TNPO2: variants seen among roughly 807,000 people sequenced by gnomAD.
The protein encoded by TNPO2 is transportin 2.
TNPO2 carries 16 observed loss-of-function variants against 111.1 expected under a neutral mutation model. The observed-to-expected ratio is 0.14, with a 90% CI of 0.10 to 0.22. The LOEUF (loss-of-function observed/expected upper bound fraction) is 0.22. Ranked by LOEUF, TNPO2 falls within the 10% of genes least tolerant of loss-of-function variation. The pLI is 1.00. For synonymous variants in TNPO2, 481 were observed against 475.8 expected (o/e 1.01, Z -0.14); for missense variants, 530 against 1,173.7 (o/e 0.45, Z 8.01).
At chr19:12,720,249 C>A (rs895889465) in intron 3 of TNPO2, among the ~76,000 whole-genome samples, 11 of 152,034 alleles carry the variant, frequency 7.2e-5, no homozygotes, top group Non-Finnish European at 1.5e-5. Flanking sequence ...AAACTCCTGA[C>A]CTCAGGTGAT....
chr19:12,703,571 GTAA>G, intron 19 of TNPO2, 45 bp from the exon 20 acceptor site: 1 of 1,599,570 alleles, frequency 6.3e-7, no homozygotes, highest in East Asian at 2.2e-5. Context: ...GCCAGCCAGG[GTAA>G]GCTGCAGGAC....
chr19:12,713,570 G>A (rs2145569169), intron 10 of TNPO2, among the ~76,000 whole-genome samples: 1 of 152,192 alleles, frequency 6.6e-6, no homozygotes, highest in Non-Finnish European at 1.5e-5. Flanking sequence ...TAGCACTTTG[G>A]GAGGCCAAAG....
At position 12,702,381 on chromosome 19, in the gene TNPO2, C is replaced by A. The variant is rs2025368564; in HGVS notation, c.2306-204G>T. ...TCTTTCTTTCTTTCCTTTCCCTTTC[C>A]TTTTTGTTTTTTTTTGTTTTGTTTT... is the stretch of plus-strand genomic sequence containing the variant. On this transcript the variant is annotated intron_variant, in intron 21 of 25. Coordinates refer to ENST00000425528, the MANE Select transcript of TNPO2 (RefSeq NM_001382241.1). The surrounding 1 kb of genome is among the most constrained non-coding windows in gnomAD (Gnocchi z 5.5). The A allele has an allele frequency of 1.4e-6, 1 of 691,168 alleles. No individual in the cohort carries two copies. The highest frequency in any genetic ancestry group is 1.8e-5 in the African/African-American group (1 of 56,596). 42.8% of individuals were successfully genotyped at this position (691,168 alleles called of 1,614,324 possible). A position where few individuals can be genotyped will look rare whatever the true frequency, so the allele number is the denominator to read the frequency against.
intron 10 of TNPO2, among the ~76,000 whole-genome samples, chr19:12,713,701 G>A (rs1292207660): frequency 6.6e-6 from 1 of 151,852 alleles, no homozygotes; most frequent in African/African-American, 2.4e-5. Context: ...GTGAGACTCC[G>A]TCTCAAAAAC....
chr19:12,718,055 A>G (rs1429517106), intron 5 of TNPO2, among the ~76,000 whole-genome samples: 4 of 151,036 alleles, frequency 2.6e-5, no homozygotes, highest in Non-Finnish European at 4.4e-5. Flanking sequence ...CCCAGGCTGG[A>G]GTGTAGTGCC....
rs1370982364 is a variant in TNPO2 at position 12,703,546 on chromosome 19, G to T, written c.2111-20C>A. 12 of 1,612,886 alleles carry T rather than the reference G, an allele frequency of 7.4e-6. No homozygotes were observed. The highest frequency in any genetic ancestry group is 1.0e-5 in the Non-Finnish European group (12 of 1,178,950). On this transcript the variant is annotated intron_variant, in intron 19 of 25. Coordinates refer to ENST00000425528, the MANE Select transcript of TNPO2 (RefSeq NM_001382241.1). ...ACTCGGCTGGTGGGGAGAAACAGGG[G>T]TGCTGAGAAGGAGGGCCAGCCAGGG...
intron 20 of TNPO2, 68 bp downstream of exon 20, chr19:12,703,360 T>A (rs926887649): frequency 4.0e-5 from 58 of 1,461,150 alleles, no homozygotes; most frequent in Non-Finnish European, 5.4e-5. Context: ...CAGTCAGAGC[T>A]AGGCTCCCGC....
intron 18 of TNPO2, 133 bp from the exon 19 acceptor site, chr19:12,703,934 C>G (rs1409512298): frequency 1.4e-6 from 1 of 737,028 alleles, no homozygotes; most frequent in Non-Finnish European, 2.2e-6. Flanking sequence ...GTTCCTTAAC[C>G]TCCCTAGCCT....
rs2025579896 is a variant in TNPO2 at position 12,705,332 on chromosome 19, G to A, written c.1930C>T (p.Leu644=). 1.3e-6 allele frequency: 2 copies of A among 1,592,628 alleles called. No individual in the cohort carries two copies. Among genetic ancestry groups the A allele is most frequent in the Middle Eastern group, 1.7e-4 (1 of 6,040 alleles). Residue 644 remains leucine, a synonymous_variant, in exon 18 of 26, where the codon CTG becomes TTG. Transcript: ENST00000425528. This position sits in a 1 kb window ranked among gnomAD's most constrained non-coding sequence, Gnocchi z 7.2. ...DKDFMIVALD[L]LSGLAEGLGG... is the part of the protein sequence containing the mutation. The stretch of plus-strand genomic sequence containing the variant: ...AGGCCCTCGGCCAGGCCGCTGAGCA[G>A]ATCCAGTGCTACGATCATGAAGTCC...
chr19:12,711,697 G>A, intron 10 of TNPO2, 84 bp from the exon 11 acceptor site: 1 of 1,202,120 alleles, frequency 8.3e-7, no homozygotes, highest in Non-Finnish European at 1.2e-6. Context: ...GAGGCAAACA[G>A]GTGCCAACAG....
Position 12,706,526 on chromosome 19 carries a change from GC to G in TNPO2, c.1496+43del. On this transcript the variant is annotated intron_variant, in intron 14 of 25. Coordinates refer to ENST00000425528, the MANE Select transcript of TNPO2 (RefSeq NM_001382241.1). The surrounding 1 kb of genome is among the most constrained non-coding windows in gnomAD (Gnocchi z 7.0). ...AGGTGTCATCACTTCCCAGAGGGTGGCCGGGGGAGAGTGGGGGCTGTGGGAT... is the reference window on the plus strand; with the variant it reads ...AGGTGTCATCACTTCCCAGAGGGTGGCGGGGGAGAGTGGGGGCTGTGGGAT... 6.2e-7 allele frequency: 1 copy of G among 1,602,210 alleles called. No individual in the cohort carries two copies. The highest frequency in any genetic ancestry group is 8.5e-7 in the Non-Finnish European group (1 of 1,169,708).
intron 12 of TNPO2, 176 bp downstream of exon 12, chr19:12,711,120 T>G: frequency 1.3e-6 from 1 of 770,474 alleles, no homozygotes; most frequent in Non-Finnish European, 2.1e-6. Flanking sequence ...GGTGTTGATC[T>G]CCTGACCTCG....
chr19:12,714,612 A>G (rs2026260691), intron 10 of TNPO2, among the ~76,000 whole-genome samples: 1 of 152,094 alleles, frequency 6.6e-6, no homozygotes, highest in African/African-American at 2.4e-5. Context: ...ACATGTGGCC[A>G]TTGATTTTTC....
chr19:12,702,016 AG>A lies in TNPO2; in HGVS notation c.2411+55del. 6.5e-7 allele frequency: 1 copy of A among 1,545,550 alleles called. No homozygotes were observed. The highest frequency in any genetic ancestry group is 1.4e-5 in the African/African-American group (1 of 73,484). On this transcript the variant is annotated intron_variant, in intron 22 of 25. Coordinates refer to ENST00000425528, the MANE Select transcript of TNPO2 (RefSeq NM_001382241.1). The surrounding 1 kb of genome is among the most constrained non-coding windows in gnomAD (Gnocchi z 5.5). ...GGGGCTGGAAATGCACAGGCGAGGGAGGGGGTTGGGCCAGTCCCGCCCACCA... is the reference window on the plus strand; with the variant it reads ...GGGGCTGGAAATGCACAGGCGAGGGAGGGGTTGGGCCAGTCCCGCCCACCA...
At chr19:12,712,358 G>A (rs1038883771) in intron 10 of TNPO2, among the ~76,000 whole-genome samples, 1 of 152,172 alleles carries the variant, frequency 6.6e-6, no homozygotes, top group African/African-American at 2.4e-5. Context: ...CCCCGGGGGA[G>A]TTTAGAGAAG....
chr19:12,703,867 C>T, intron 18 of TNPO2, 66 bp from the exon 19 acceptor site: 2 of 1,384,438 alleles, frequency 1.4e-6, no homozygotes, highest in South Asian at 2.7e-5. Context: ...GCTCAGGGGG[C>T]ACAGTCCCTG....
At chr19:12,714,069 A>G (rs556794694) in intron 10 of TNPO2, among the ~76,000 whole-genome samples, 1 of 152,252 alleles carries the variant, frequency 6.6e-6, no homozygotes, top group East Asian at 1.9e-4. Context: ...GAGGCAAGCA[A>G]TCCAAGTTTG....
chr19:12,718,171 A>AT (rs112380697), intron 5 of TNPO2, among the ~76,000 whole-genome samples: 3,223 of 141,798 alleles, frequency 0.023, 46 homozygotes, highest in Non-Finnish European at 0.037. Flanking sequence ...CGCCCAGCTA[A>AT]TTTTTTTTTT....
rs2026330543 is a variant in TNPO2 at position 12,715,825 on chromosome 19, C to T, written c.326-86G>A. On this transcript the variant is annotated intron_variant, in intron 5 of 25. Coordinates refer to ENST00000425528, the MANE Select transcript of TNPO2 (RefSeq NM_001382241.1). The surrounding 1 kb of genome is among the most constrained non-coding windows in gnomAD (Gnocchi z 7.1). The stretch of plus-strand genomic sequence containing the variant: ...CTCCCACTGGACACCCCCAGTGCTG[C>T]CTTTCTGTTCCCTAGCCCATGTACG... The T allele has an allele frequency of 3.8e-6, 4 of 1,057,490 alleles. No homozygotes were observed. Among genetic ancestry groups the T allele is most frequent in the Non-Finnish European group, 5.6e-6 (4 of 717,424 alleles). The allele number at this position is 1,057,490 out of a possible 1,614,324, so 65.5% of individuals were successfully genotyped here.
Sources: gnomAD v4.1 joint callset for allele counts (sites outside exome capture counted in the v4.1 genomes callset) on GRCh38, gnomAD v4.1.1 for gene constraint, Gnocchi (gnomAD v3.1) non-coding constraint, MANE v1.5 for transcripts, NCBI Gene and HGNC (gene_info 2026-07-23, HGNC 2026-07-21) for gene names.